Variants in DHRSX observed in about 807,000 individuals in gnomAD.
DHRSX encodes the protein dehydrogenase/reductase X-linked, also known as polyprenol dehydrogenase.
In DHRSX, 31 loss-of-function variants were observed where a neutral mutation model predicts 34.0. The observed-to-expected ratio is 0.91, with a 90% CI of 0.69 to 1.23. The LOEUF (loss-of-function observed/expected upper bound fraction) is 1.23, where lower values mean the gene tolerates loss of function less well. DHRSX is among the 50% of genes most tolerant of loss of function. DHRSX has a pLI of 0.00. For missense variants in DHRSX, 414 were observed against 428.1 expected (o/e 0.97, Z 0.29); for synonymous variants, 201 against 183.8 (o/e 1.09, Z -0.76).
chrX:2,346,653 T>TTTTTTTG (rs1556483986), intron 3 of DHRSX, among the ~76,000 whole-genome samples: 44 of 150,832 alleles, frequency 2.9e-4, no homozygotes, highest in South Asian at 8.4e-4. Flanking sequence ...TGGTTTTTTT[T>TTTTTTTG]TTGTTGTTGT....
At chrX:2,474,834 C>G (rs66963190) in intron 1 of DHRSX, among the ~76,000 whole-genome samples, 30,761 of 149,398 alleles carry the variant, frequency 0.21, 4,175 homozygotes, top group African/African-American at 0.39. Context: ...GTTCCCTAAG[C>G]TTGTGGCTAA....
chrX:2,354,993 AT>A (rs2042831494), intron 3 of DHRSX, among the ~76,000 whole-genome samples: 1 of 152,210 alleles, frequency 6.6e-6, no homozygotes, highest in African/African-American at 2.4e-5. Context: ...GGAAAGTAAT[AT>A]TCCATAAAAA....
At chrX:2,268,225 G>A (rs1489251804) in intron 4 of DHRSX, among the ~76,000 whole-genome samples, 1 of 152,174 alleles carries the variant, frequency 6.6e-6, no homozygotes, top group Non-Finnish European at 1.5e-5. Context: ...TGCTGTGGAG[G>A]CCTGATCTCA....
intron 3 of DHRSX, among the ~76,000 whole-genome samples, chrX:2,293,633 G>A (rs776499182): frequency 2.0e-5 from 3 of 152,240 alleles, no homozygotes; most frequent in South Asian, 2.1e-4. Flanking sequence ...GGGAGGGAGC[G>A]AGCAGAGGCT....
chrX:2,466,347 A>G (rs1569504102), intron 1 of DHRSX, among the ~76,000 whole-genome samples: 1 of 152,196 alleles, frequency 6.6e-6, no homozygotes, highest in South Asian at 2.1e-4. Flanking sequence ...CTGAGGCAGG[A>G]GAATCACTTG....
intron 2 of DHRSX, among the ~76,000 whole-genome samples, chrX:2,414,443 A>T (rs2043669370): frequency 6.6e-6 from 1 of 151,764 alleles, no homozygotes; most frequent in African/African-American, 2.4e-5. Flanking sequence ...ACTCATCATG[A>T]CCTAACCAAA....
At chrX:2,424,458 A>T (rs2043817750) in intron 2 of DHRSX, among the ~76,000 whole-genome samples, 2 of 152,062 alleles carry the variant, frequency 1.3e-5, no homozygotes, top group African/African-American at 4.8e-5. Context: ...TCACACTGTG[A>T]TATTGAACCT....
chrX:2,357,309 C>A (rs2042867862), intron 3 of DHRSX, among the ~76,000 whole-genome samples: 1 of 151,782 alleles, frequency 6.6e-6, no homozygotes, highest in South Asian at 2.1e-4. Flanking sequence ...CCCTAACCCC[C>A]ATGTTTTTCA....
chrX:2,284,569 A>G (rs1346553210), intron 4 of DHRSX, among the ~76,000 whole-genome samples: 1 of 152,234 alleles, frequency 6.6e-6, no homozygotes, highest in Admixed American at 6.5e-5. Context: ...TTAGTAATTC[A>G]TTATCTCAGA....
At chrX:2,479,017 T>C (rs1303593223) in intron 1 of DHRSX, among the ~76,000 whole-genome samples, 1 of 151,276 alleles carries the variant, frequency 6.6e-6, no homozygotes, top group Non-Finnish European at 1.5e-5. Context: ...ATGTACACAC[T>C]GAAGTCATTC....
At chrX:2,346,121 A>G (rs1180277806) in intron 3 of DHRSX, among the ~76,000 whole-genome samples, 1 of 152,068 alleles carries the variant, frequency 6.6e-6, no homozygotes, top group Non-Finnish European at 1.5e-5. Flanking sequence ...AGACCCGATG[A>G]ATTTCTACTC....
chrX:2,457,437 A>G (rs1036952807), intron 1 of DHRSX, among the ~76,000 whole-genome samples: 89 of 148,900 alleles, frequency 6.0e-4, no homozygotes, highest in African/African-American at 1.9e-3. Context: ...TTCCCTAAGC[A>G]TGTGGCTAAG....
At chrX:2,315,333 G>A (rs1416431864) in intron 3 of DHRSX, among the ~76,000 whole-genome samples, 1 of 152,122 alleles carries the variant, frequency 6.6e-6, no homozygotes, top group Non-Finnish European at 1.5e-5. Context: ...ACAGGCATCA[G>A]TAACGTGGGG....
At chrX:2,429,021 T>C (rs1249690476) in intron 1 of DHRSX, among the ~76,000 whole-genome samples, 12 of 152,190 alleles carry the variant, frequency 7.9e-5, no homozygotes, top group Non-Finnish European at 1.5e-4. Context: ...TTTGTTTTTC[T>C]TGATACACGC....
intron 1 of DHRSX, among the ~76,000 whole-genome samples, chrX:2,474,145 G>C (rs1185223461): frequency 1.4e-5 from 2 of 147,126 alleles, no homozygotes; most frequent in Admixed American, 1.3e-4. Flanking sequence ...CACAGACACA[G>C]ACACTCAGAA....
rs1024429493 is a variant in DHRSX at position 2,375,616 on chromosome X, CGGTT to C, written c.286+33125_286+33128del. Reference sequence around the variant, plus strand: ...TCGATGGGATGGTTGGTTGGTTGGTCGGTTGGTTGGTTGGTTGGCTGGTTGGTTG... The same window carrying C: ...TCGATGGGATGGTTGGTTGGTTGGTCGGTTGGTTGGTTGGCTGGTTGGTTG... On this transcript the variant is annotated intron_variant, in intron 3 of 6. Coordinates refer to ENST00000334651, the MANE Select transcript of DHRSX (RefSeq NM_145177.3). Among the ~76,000 whole-genome samples the C allele has an allele frequency of 3.4e-4, 46 of 133,980 alleles. 8 individuals are homozygous for C. The highest frequency in any genetic ancestry group is 3.6e-3 in the Middle Eastern group (1 of 278). 87.9% of individuals were successfully genotyped at this position (133,980 alleles called of 152,430 possible).
intron 3 of DHRSX, among the ~76,000 whole-genome samples, chrX:2,373,562 T>G (rs1403484483): frequency 6.6e-6 from 1 of 152,150 alleles, no homozygotes; most frequent in Admixed American, 6.5e-5. Flanking sequence ...AAACCACGGC[T>G]GCTGCAAGGA....
intron 1 of DHRSX, among the ~76,000 whole-genome samples, chrX:2,476,870 T>C (rs1364797506): frequency 1.3e-5 from 2 of 151,852 alleles, no homozygotes; most frequent in Non-Finnish European, 2.9e-5. Flanking sequence ...GGTGTGGTAG[T>C]GCATGCCTGT....
At chrX:2,301,686 T>C (rs2042011807) in intron 3 of DHRSX, among the ~76,000 whole-genome samples, 1 of 152,144 alleles carries the variant, frequency 6.6e-6, no homozygotes, top group Non-Finnish European at 1.5e-5. Flanking sequence ...TAGCTCAGGC[T>C]GAAGTGCGGT....
Sources: gnomAD v4.1 joint callset for allele counts (sites outside exome capture counted in the v4.1 genomes callset) on GRCh38, gnomAD v4.1.1 for gene constraint, MANE v1.5 for transcripts, NCBI Gene and HGNC (gene_info 2026-07-23, HGNC 2026-07-21) for gene names.